ASPG: variants seen among roughly 807,000 people sequenced by gnomAD.
ASPG encodes asparaginase.
ASPG carries 53 observed loss-of-function variants against 63.2 expected under a neutral mutation model. The observed-to-expected ratio is 0.84, with a 90% confidence interval of 0.67 to 1.05. The LOEUF is 1.05. ASPG is among the 50% of genes least tolerant of loss of function. The pLI, the probability that ASPG is intolerant of heterozygous loss-of-function variation, is 0.00. For missense variants in ASPG, 741 were observed against 794.4 expected (o/e 0.93, Z 0.81); for synonymous variants, 370 against 355.0 (o/e 1.04, Z -0.48).
chr14:104,111,778 G>T, intron 14 of ASPG, 142 bp from the exon 15 acceptor site: 1 of 974,976 alleles, frequency 1.0e-6, no homozygotes, highest in South Asian at 1.6e-5. Flanking sequence ...TCTGAGTGGT[G>T]GGGGTGACGA....
intron 10 of ASPG, among the ~76,000 whole-genome samples, 178 bp from the exon 11 acceptor site, chr14:104,106,621 T>TGGTGA: frequency 6.6e-6 from 1 of 151,644 alleles, no homozygotes; most frequent in East Asian, 1.9e-4. Flanking sequence ...TGGGGTGGGG[T>TGGTGA]GGTGAGGCTC....
Position 104,109,014 on chromosome 14 carries a change from T to C in ASPG, c.1434-215T>C. On this transcript the variant is annotated intron_variant, in intron 12 of 15. Transcript: ENST00000551177. The surrounding 1 kb of genome is among the most constrained non-coding windows in gnomAD (Gnocchi z 4.8). ...CCTCAGCTGCCCTAAGAAGGAGTAC[T>C]GGACAAATGGAGGTGGTGGGATCCC... is the stretch of plus-strand genomic sequence containing the variant. 1.0e-6 allele frequency: 1 copy of C among 985,396 alleles called. No individual in the cohort carries two copies. Among genetic ancestry groups the C allele is most frequent in the Non-Finnish European group, 1.2e-6 (1 of 829,912 alleles). The allele number at this position is 985,396 out of a possible 1,614,324, so 61.0% of individuals were successfully genotyped here. A position where few individuals can be genotyped will look rare whatever the true frequency, so the allele number is the denominator to read the frequency against.
intron 3 of ASPG, 108 bp from the exon 4 acceptor site, chr14:104,095,423 C>T: frequency 1.3e-6 from 2 of 1,504,602 alleles, no homozygotes; most frequent in Non-Finnish European, 1.8e-6. Context: ...CCACGGGTGC[C>T]TCCCCTGAGT....
chr14:104,108,494 G>C (rs1029653243), intron 12 of ASPG: 28 of 985,324 alleles, frequency 2.8e-5, no homozygotes, highest in African/African-American at 3.5e-5. Flanking sequence ...GCCTGAGTGG[G>C]GTATGGGGAG....
rs1469207379 is a variant in ASPG at position 104,111,049 on chromosome 14, C to T, written c.1521-453C>T. The T allele has an allele frequency of 1.7e-5, 17 of 985,332 alleles. No homozygotes were observed. The East Asian group carries it at 7.9e-4, about 46-fold the overall frequency. The allele number at this position is 985,332 out of a possible 1,614,324, so 61.0% of individuals were successfully genotyped here. ...GCCTCAAACTTTCCTTCCACCTTTG[C>T]GGACCCCGCCCCGGGAAGAGCGGTG... On this transcript the variant is annotated intron_variant, in intron 13 of 15. Transcript: ENST00000551177.
At chr14:104,107,071 G>A in intron 11 of ASPG, 111 bp from the exon 12 acceptor site, 4 of 1,403,144 alleles carry the variant, frequency 2.9e-6, no homozygotes, top group Non-Finnish European at 3.8e-6. Context: ...TTTGAGGGTG[G>A]GCGCAGGGGC....
intron 1 of ASPG, among the ~76,000 whole-genome samples, chr14:104,088,101 C>A (rs2036268359): frequency 6.6e-6 from 1 of 152,218 alleles, no homozygotes; most frequent in African/African-American, 2.4e-5. Context: ...CCCCCAACCC[C>A]TCGTGAGGTT....
chr14:104,105,644 A>G (rs940955485), intron 10 of ASPG, among the ~76,000 whole-genome samples, 194 bp downstream of exon 10: 1 of 152,262 alleles, frequency 6.6e-6, no homozygotes, highest in African/African-American at 2.4e-5. Flanking sequence ...TCTATAAGGC[A>G]GGAGGCAGGA....
At position 104,100,007 on chromosome 14, in the gene ASPG, G is replaced by A. The variant is rs565264082; in HGVS notation, c.640+1028G>A. Among the ~76,000 whole-genome samples, 29 of 152,330 alleles carry A rather than the reference G, an allele frequency of 1.9e-4. No homozygotes were observed. In the South Asian group the frequency reaches 2.3e-3, roughly 12 times the overall value. Reference sequence around the variant, plus strand: ...CTTCTGTCCAGGCCTGGGCCATGGCGGGCTGGTGGGTCAAGCCCACAAGGT... The same window carrying A: ...CTTCTGTCCAGGCCTGGGCCATGGCAGGCTGGTGGGTCAAGCCCACAAGGT... On this transcript the variant is annotated intron_variant, in intron 6 of 15. Transcript: ENST00000551177.
intron 6 of ASPG, 65 bp downstream of exon 6, chr14:104,099,044 A>G (rs2141012292): frequency 6.6e-7 from 1 of 1,522,350 alleles, no homozygotes; most frequent in Non-Finnish European, 8.8e-7. Context: ...GGGCTGCTGC[A>G]GGGAGCTCGT....
chr14:104,103,921 C>G (rs1296027137), intron 7 of ASPG, among the ~76,000 whole-genome samples: 1 of 152,280 alleles, frequency 6.6e-6, no homozygotes, highest in African/African-American at 2.4e-5. Context: ...GTCCTCCATG[C>G]TTTTCTAGAG....
chr14:104,089,765 A>G (rs1355733305), intron 1 of ASPG, among the ~76,000 whole-genome samples: 2 of 152,054 alleles, frequency 1.3e-5, no homozygotes, highest in East Asian at 3.9e-4. Context: ...CCTTGCTAAC[A>G]TGGCGAAACC....
chr14:104,097,825 TAC>T lies in ASPG; in HGVS notation c.513+189_513+190del, dbSNP rs1420445059. Among the ~76,000 whole-genome samples, 49 of 151,006 alleles carry T rather than the reference TAC, an allele frequency of 3.2e-4. 1 individual carries two copies. The highest frequency in any genetic ancestry group is 1.1e-3 in the African/African-American group (45 of 40,706). On this transcript the variant is annotated intron_variant, in intron 5 of 15. Coordinates refer to ENST00000551177, the MANE Select transcript of ASPG (RefSeq NM_001080464.3). The stretch of plus-strand genomic sequence containing the variant: ...ACGTATGGAAGTTCTACGTTAGAGA[TAC>T]GTATGGAGGTTCTGCGTTAGAGATG...
chr14:104,086,991 T>A (rs2036239491), intron 1 of ASPG, among the ~76,000 whole-genome samples: 2 of 151,412 alleles, frequency 1.3e-5, no homozygotes, highest in Admixed American at 1.3e-4. Flanking sequence ...CACGGCCTGT[T>A]CCCTGGCAGC....
chr14:104,101,593 T>C (rs1315593559), intron 6 of ASPG, among the ~76,000 whole-genome samples: 2 of 152,162 alleles, frequency 1.3e-5, no homozygotes, highest in Admixed American at 6.5e-5. Flanking sequence ...TGCTGAGCCC[T>C]GACCCCGGCC....
chr14:104,100,795 C>T (rs1219468335), intron 6 of ASPG, among the ~76,000 whole-genome samples: 1 of 152,190 alleles, frequency 6.6e-6, no homozygotes, highest in East Asian at 1.9e-4. Context: ...TACTGGCTTG[C>T]TTGCCCATGC....
intron 3 of ASPG, among the ~76,000 whole-genome samples, chr14:104,094,858 C>T (rs1056489757): frequency 2.6e-5 from 4 of 152,234 alleles, no homozygotes; most frequent in African/African-American, 7.2e-5. Flanking sequence ...TTGGCCTCCG[C>T]TCCTCTGCAG....
intron 7 of ASPG, among the ~76,000 whole-genome samples, 199 bp from the exon 8 acceptor site, chr14:104,104,105 G>C (rs900263212): frequency 5.9e-5 from 9 of 152,340 alleles, no homozygotes; most frequent in African/African-American, 2.2e-4. Context: ...GCGACCCTTT[G>C]GGAGAATGTG....
chr14:104,100,791 C>T (rs2036840836), intron 6 of ASPG, among the ~76,000 whole-genome samples: 1 of 152,208 alleles, frequency 6.6e-6, no homozygotes, highest in South Asian at 2.1e-4. Context: ...AGGGTACTGG[C>T]TTGCTTGCCC....
Sources: allele counts gnomAD v4.1 joint callset (sites outside exome capture counted in the v4.1 genomes callset), GRCh38; gene constraint gnomAD v4.1.1; non-coding constraint Gnocchi (gnomAD v3.1); transcripts MANE v1.5; gene names NCBI Gene and HGNC (gene_info 2026-07-23, HGNC 2026-07-21).